PCDH15: variants seen among roughly 807,000 people sequenced by gnomAD.
PCDH15 encodes the protein protocadherin related 15, also known as protocadherin-15.
PCDH15 carries 129 observed loss-of-function variants against 178.5 expected under a neutral mutation model. That is an observed-to-expected ratio of 0.72 (90% CI 0.63 to 0.84). PCDH15 has a LOEUF of 0.84. PCDH15 is among the 40% of genes least tolerant of loss of function. The pLI is 0.00. For synonymous variants in PCDH15, 800 were observed against 732.0 expected (o/e 1.09, Z -1.50); for missense variants, 2,230 against 2,099.9 (o/e 1.06, Z -1.21).
intron 1 of PCDH15, among the ~76,000 whole-genome samples, chr10:54,777,590 A>T (rs956179586): frequency 6.6e-6 from 1 of 152,122 alleles, no homozygotes; most frequent in Admixed American, 6.6e-5. Flanking sequence ...ATAAGACTTG[A>T]GTTGCTTCAT....
intron 2 of PCDH15, among the ~76,000 whole-genome samples, chr10:55,378,012 A>G (rs975077487): frequency 7.2e-5 from 11 of 152,216 alleles, no homozygotes; most frequent in African/African-American, 2.6e-4. Flanking sequence ...AACAATGAGA[A>G]CACATGGACA....
chr10:54,206,293 A>T (rs950895744), intron 10 of PCDH15, among the ~76,000 whole-genome samples: 2 of 152,118 alleles, frequency 1.3e-5, no homozygotes, highest in Non-Finnish European at 2.9e-5. Flanking sequence ...TCTGGGGAAG[A>T]CCACAGATTC....
At chr10:55,078,020 A>G (rs1280964783) in intron 2 of PCDH15, among the ~76,000 whole-genome samples, 1 of 152,182 alleles carries the variant, frequency 6.6e-6, no homozygotes, top group African/African-American at 2.4e-5. Flanking sequence ...GTTGTCATGA[A>G]TCCATCAGCA....
intron 23 of PCDH15, among the ~76,000 whole-genome samples, chr10:53,944,574 T>C (rs1279868477): frequency 6.6e-6 from 1 of 152,180 alleles, no homozygotes; most frequent in Non-Finnish European, 1.5e-5. Context: ...ACCTGATTTA[T>C]AACAAATAAT....
At chr10:55,620,984 A>T (rs1251516944) in intron 2 of PCDH15, among the ~76,000 whole-genome samples, 1 of 151,854 alleles carries the variant, frequency 6.6e-6, no homozygotes, top group Non-Finnish European at 1.5e-5. Flanking sequence ...TGTTAATTTA[A>T]TACATAATGC....
intron 2 of PCDH15, among the ~76,000 whole-genome samples, chr10:54,996,001 C>G (rs1459790093): frequency 1.3e-5 from 2 of 152,180 alleles, no homozygotes; most frequent in East Asian, 1.9e-4. Context: ...AATTCTTCTT[C>G]CCTAGAAATA....
chr10:54,555,736 C>CAAAAAA (rs869032040), intron 2 of PCDH15, among the ~76,000 whole-genome samples: 10 of 73,244 alleles, frequency 1.4e-4, no homozygotes, highest in East Asian at 3.4e-4. Flanking sequence ...GACTCTGTCT[C>CAAAAAA]AAAAAAAAAA....
chr10:53,940,191 C>T (rs2085930046), intron 24 of PCDH15, among the ~76,000 whole-genome samples: 1 of 152,080 alleles, frequency 6.6e-6, no homozygotes, highest in Admixed American at 6.6e-5. Flanking sequence ...GGCTATCTAA[C>T]ATACCAAAAG....
chr10:54,668,699 A>C (rs1362451228), intron 1 of PCDH15, among the ~76,000 whole-genome samples: 1 of 152,188 alleles, frequency 6.6e-6, no homozygotes, highest in African/African-American at 2.4e-5. Context: ...TTTCTCTTAA[A>C]TACAATTTTG....
chr10:53,866,968 A>T (rs1564640857), intron 26 of PCDH15, 111 bp from the exon 27 acceptor site: 3 of 747,710 alleles, frequency 4.0e-6, no homozygotes, highest in Non-Finnish European at 7.0e-6. Context: ...ATAATAACAC[A>T]ATAAAGCCCT....
At chr10:54,657,299 C>T (rs1202644041) in intron 2 of PCDH15, among the ~76,000 whole-genome samples, 3 of 152,118 alleles carry the variant, frequency 2.0e-5, no homozygotes, top group African/African-American at 7.2e-5. Context: ...TATAGGCCTC[C>T]AACGCTCTTC....
intron 17 of PCDH15, among the ~76,000 whole-genome samples, chr10:54,067,656 A>G (rs1487945889): frequency 1.3e-5 from 2 of 152,178 alleles, no homozygotes; most frequent in Non-Finnish European, 2.9e-5. Flanking sequence ...GCTCTGTCAC[A>G]GTGTGGGGCT....
chr10:54,346,809 C>G (rs1363091854), intron 5 of PCDH15, among the ~76,000 whole-genome samples: 2 of 152,092 alleles, frequency 1.3e-5, no homozygotes, highest in African/African-American at 4.8e-5. Flanking sequence ...TCCTCAAAAC[C>G]CTTGATGCAA....
In PCDH15 at chr10:55,250,627, C is replaced by T. The variant is rs1041803952; in HGVS notation, c.-156+68972G>A. Reference sequence around the variant, plus strand: ...TCTCGGCTCACTGCAACCTTCACCTCCCGGGTTCAAGCAATTCTCCTGCCT... The same window carrying T: ...TCTCGGCTCACTGCAACCTTCACCTTCCGGGTTCAAGCAATTCTCCTGCCT... On this transcript the variant is annotated intron_variant, in intron 1 of 5. Coordinates refer to the PCDH15 transcript ENST00000458638. 2.7e-5 allele frequency among the ~76,000 whole-genome samples: 4 copies of T among 148,128 alleles called. No individual in the cohort carries two copies. In the Admixed American group the frequency reaches 2.7e-4, roughly 10 times the overall value.
intron 1 of PCDH15, among the ~76,000 whole-genome samples, chr10:55,198,036 G>C (rs1248054321): frequency 6.6e-6 from 1 of 152,094 alleles, no homozygotes; most frequent in African/African-American, 2.4e-5. Flanking sequence ...TCAGGAGGTA[G>C]AAAAAGGATG....
At chr10:54,168,219 C>G (rs1376547738) in intron 13 of PCDH15, among the ~76,000 whole-genome samples, 29 of 152,236 alleles carry the variant, frequency 1.9e-4, no homozygotes, top group Admixed American at 3.3e-4. Flanking sequence ...CTAAATAATT[C>G]TTGTCGTAAA....
chr10:55,545,802 A>T (rs1183831013), intron 2 of PCDH15, among the ~76,000 whole-genome samples: 2 of 152,158 alleles, frequency 1.3e-5, no homozygotes, highest in African/African-American at 4.8e-5. Context: ...AGAATCTTTT[A>T]AAAATATTTT....
chr10:54,291,755 C>A (rs572247932), intron 8 of PCDH15, among the ~76,000 whole-genome samples: 1 of 152,218 alleles, frequency 6.6e-6, no homozygotes, highest in East Asian at 1.9e-4. Flanking sequence ...CATATGCCCT[C>A]CCAAGACTAA....
At chr10:55,620,573 A>G (rs1843571120) in intron 2 of PCDH15, among the ~76,000 whole-genome samples, 1 of 152,024 alleles carries the variant, frequency 6.6e-6, no homozygotes, top group African/African-American at 2.4e-5. Context: ...TATAACTTTT[A>G]GAATTTTAGG....
Sources: gnomAD v4.1 joint callset for allele counts (sites outside exome capture counted in the v4.1 genomes callset) on GRCh38, gnomAD v4.1.1 for gene constraint, MANE v1.5 for transcripts, NCBI Gene and HGNC (gene_info 2026-07-23, HGNC 2026-07-21) for gene names.